Variants in ZNF266 observed in about 807,000 individuals in gnomAD.
The protein encoded by ZNF266 is zinc finger protein 1.
A neutral mutation model predicts 16.4 loss-of-function variants in ZNF266; 16 were observed. That is an observed-to-expected ratio of 0.98 (90% CI 0.66 to 1.48). ZNF266 has a LOEUF of 1.48. Ranked by LOEUF, ZNF266 falls within the 40% of genes most tolerant of loss-of-function variation. The pLI is 0.00. For missense variants in ZNF266, 738 were observed against 689.1 expected (o/e 1.07, Z -0.79); for synonymous variants, 262 against 237.9 (o/e 1.10, Z -0.93).
At chr19:9,427,294 TTTAA>T (rs2070891313) in intron 5 of ZNF266, among the ~76,000 whole-genome samples, 1 of 152,132 alleles carries the variant, frequency 6.6e-6, no homozygotes, top group African/African-American at 2.4e-5. Flanking sequence ...CTATTGTGCT[TTTAA>T]TTATAAATTT....
rs757993007 is a variant in ZNF266, at chr19:9,413,565, GAT to G, written c.1559_1560del (p.Asn520ThrfsTer21). ...TTTTTGGCGCTGTGGGTCCGCATGT[GAT>G]TATTAAGACTGGAGGAATGCGTAAA... ...KAFTHSSSLN[N>X]HMRTHSAKKP... On this transcript the variant is annotated frameshift_variant, in exon 11 of 11. Transcript: ENST00000592904. LOFTEE classifies it low-confidence loss of function (END_TRUNC). The G allele has an allele frequency of 6.2e-7, 1 of 1,614,150 alleles. No homozygotes were observed. The highest frequency in any genetic ancestry group is 1.1e-5 in the South Asian group (1 of 91,078).
chr19:9,418,876 G>C, intron 7 of ZNF266: 1 of 332,874 alleles, frequency 3.0e-6, no homozygotes, highest in Non-Finnish European at 5.6e-6. Flanking sequence ...GCACACTCTT[G>C]AGCAGATGCT....
chr19:9,421,752 T>C (rs1000517731), intron 5 of ZNF266, among the ~76,000 whole-genome samples: 2 of 152,242 alleles, frequency 1.3e-5, no homozygotes, highest in Admixed American at 6.5e-5. Flanking sequence ...TTTCTTCTTG[T>C]GTATCTGTAA....
At chr19:9,417,428 T>C (rs1599451390) in intron 9 of ZNF266, among the ~76,000 whole-genome samples, 1 of 151,958 alleles carries the variant, frequency 6.6e-6, no homozygotes, top group South Asian at 2.1e-4. Context: ...AAGCACATCT[T>C]AAAAAGTTTC....
At chr19:9,424,343 G>A (rs977425551) in intron 5 of ZNF266, among the ~76,000 whole-genome samples, 2 of 152,138 alleles carry the variant, frequency 1.3e-5, no homozygotes, top group African/African-American at 4.8e-5. Flanking sequence ...GTGATGAGGT[G>A]TAGAACCTCC....
At position 9,418,751 on chromosome 19, in the gene ZNF266, T is replaced by G. The variant is rs546756613; in HGVS notation, c.109-120A>C. ...TGCCCACCCCAGGAGGTCCTCTCTA[T>G]CCACACTCACTCACTGTCAGTCCCC... On this transcript the variant is annotated intron_variant, in intron 7 of 10. Transcript: ENST00000592904. The G allele has an allele frequency of 1.5e-5, 9 of 596,274 alleles. No individual in the cohort carries two copies. In the East Asian group the frequency reaches 1.7e-4, roughly 11 times the overall value. 36.9% of individuals were successfully genotyped at this position (596,274 alleles called of 1,614,324 possible). A position where few individuals can be genotyped will look rare whatever the true frequency, so the allele number is the denominator to read the frequency against.
chr19:9,414,738 A>T lies in ZNF266; in HGVS notation c.406-18T>A. On this transcript the variant is annotated intron_variant, in intron 10 of 10. Coordinates refer to ENST00000592904, the MANE Select transcript of ZNF266 (RefSeq NM_001370374.1). ...CTTCCTATCTGTTGATAAAGGAATG[A>T]ATGATGATTAAAGGACGGTTCAGAT... The T allele has an allele frequency of 6.5e-7, 1 of 1,535,244 alleles. No individual in the cohort carries two copies. The highest frequency in any genetic ancestry group is 1.3e-5 in the South Asian group (1 of 79,196).
chr19:9,429,430 C>T (rs929635241), intron 5 of ZNF266, among the ~76,000 whole-genome samples: 1 of 152,008 alleles, frequency 6.6e-6, no homozygotes, highest in African/African-American at 2.4e-5. Flanking sequence ...GTTAACGGTT[C>T]GTCTTACTAG....
At chr19:9,425,221 C>A (rs895794506) in intron 5 of ZNF266, among the ~76,000 whole-genome samples, 52 of 152,212 alleles carry the variant, frequency 3.4e-4, no homozygotes, top group Non-Finnish European at 7.5e-4. Flanking sequence ...AACGTCCATG[C>A]ACCTTAATAA....
Position 9,413,422 on chromosome 19 carries a change from G to GA in ZNF266, c.1703dup (p.Ser569GlnfsTer10). On this transcript the variant is annotated frameshift_variant, in exon 11 of 11. Coordinates refer to ENST00000592904, the MANE Select transcript of ZNF266 (RefSeq NM_001370374.1). LOFTEE classifies it low-confidence loss of function (END_TRUNC). ...GTAACTGAAACGAATTGGAGTAACTGAAGGATTTCCCACACTGTTTACATT... is the reference window on the plus strand; with the variant it reads ...GTAACTGAAACGAATTGGAGTAACTGAAAGGATTTCCCACACTGTTTACATT... The GA allele has an allele frequency of 6.2e-7, 1 of 1,613,572 alleles. No individual in the cohort carries two copies. Among genetic ancestry groups the GA allele is most frequent in the Non-Finnish European group, 8.5e-7 (1 of 1,179,904 alleles).
intron 5 of ZNF266, among the ~76,000 whole-genome samples, chr19:9,421,459 T>C (rs137930578): frequency 4.6e-5 from 7 of 152,348 alleles, no homozygotes; most frequent in South Asian, 2.1e-4. Context: ...TGGATGAATT[T>C]TGACAATCGC....
chr19:9,420,374 G>A (rs2069672819), intron 5 of ZNF266, 156 bp from the exon 6 acceptor site: 1 of 152,232 alleles, frequency 6.6e-6, no homozygotes, highest in Non-Finnish European at 1.5e-5. Flanking sequence ...AACAGTGTGT[G>A]TCAGAAGTCA....
chr19:9,416,960 C>T (rs532160850), intron 9 of ZNF266, among the ~76,000 whole-genome samples: 3 of 152,156 alleles, frequency 2.0e-5, no homozygotes, highest in South Asian at 2.1e-4. Context: ...CGTGAGCCAC[C>T]ACACCTGGCC....
rs139533300 is a variant in ZNF266 at position 9,413,811 on chromosome 19, G to C, written c.1315C>G (p.Arg439Gly). ...TAGGGCCTCTCTCCACTGTGAGTTC[G>C]TGCATGCTTAGTAAGGTCTGAGTTC... ...TQNSDLTKHARTHSGERPYEC... is the reference protein window; with the variant it reads ...TQNSDLTKHAGTHSGERPYEC... The change falls in exon 11 of 11, where the codon CGA becomes GGA. Residue 439 changes from arginine to glycine, a missense_variant. Arg to Gly is a moderately radical substitution (Grantham distance 125). Transcript: ENST00000592904. 1.2e-6 allele frequency: 2 copies of C among 1,613,866 alleles called. No homozygotes were observed. The highest frequency in any genetic ancestry group is 1.3e-5 in the African/African-American group (1 of 74,882).
intron 5 of ZNF266, among the ~76,000 whole-genome samples, chr19:9,423,501 A>G (rs1431269632): frequency 2.0e-5 from 3 of 152,220 alleles, no homozygotes; most frequent in Non-Finnish European, 4.4e-5. Context: ...CTTGAAATCA[A>G]CTGGTTCCAT....
intron 5 of ZNF266, among the ~76,000 whole-genome samples, chr19:9,429,853 A>C (rs2071324247): frequency 6.6e-6 from 1 of 152,184 alleles, no homozygotes; most frequent in Non-Finnish European, 1.5e-5. Context: ...TCATGTCGGT[A>C]AACTCCTTAA....
chr19:9,413,723 G>C lies in ZNF266; in HGVS notation c.1403C>G (p.Thr468Ser), dbSNP rs753024049. Residue 468 changes from threonine to serine, a missense_variant, in exon 11 of 11, where the codon ACT becomes AGT. Coordinates refer to ENST00000592904, the MANE Select transcript of ZNF266 (RefSeq NM_001370374.1). ...TTCAAAAGGCTTCTCTCCAGTGTGA[G>C]TTCTTGTATGTTCACTAAGGCGAGA... ...RSSRLSEHTR[T>S]HTGEKPFECV... is the part of the protein sequence containing the mutation. The C allele has an allele frequency of 2.5e-6, 4 of 1,614,150 alleles. No individual in the cohort carries two copies. The highest frequency in any genetic ancestry group is 2.5e-6 in the Non-Finnish European group (3 of 1,180,016).
In ZNF266 at chr19:9,414,355, C is replaced by T. The variant is rs2068666223; in HGVS notation, c.771G>A (p.Gly257=). 1 of 1,614,000 alleles carries T rather than the reference C, an allele frequency of 6.2e-7. No homozygotes were observed. The highest frequency in any genetic ancestry group is 1.7e-5 in the Admixed American group (1 of 60,000). The change falls in exon 11 of 11, where the codon GGG becomes GGA. Residue 257 remains glycine, a synonymous_variant. Coordinates refer to ENST00000592904, the MANE Select transcript of ZNF266 (RefSeq NM_001370374.1). ...GESLHEWKEC[G]RGFIHSTDLA... ...GGTCTGTGGAGTGAATAAAGCCTCT[C>T]CCACATTCCTTCCATTCATGGAGAC...
intron 5 of ZNF266, among the ~76,000 whole-genome samples, chr19:9,426,837 A>C (rs1296885047): frequency 6.6e-6 from 1 of 152,148 alleles, no homozygotes; most frequent in African/African-American, 2.4e-5. Flanking sequence ...GGAGAAAAAA[A>C]ATAGGTACGC....
Sources: allele counts gnomAD v4.1 joint callset (sites outside exome capture counted in the v4.1 genomes callset), GRCh38; gene constraint gnomAD v4.1.1; transcripts MANE v1.5; gene names NCBI Gene and HGNC (gene_info 2026-07-23, HGNC 2026-07-21).